The following TYR variants were observed in gnomAD, a reference collection of about 807,000 sequenced individuals.
The protein encoded by TYR is LB24-AB.
Under a neutral mutation model 51.5 loss-of-function variants are expected in TYR, and 58 were observed. The observed-to-expected ratio is 1.13, with a 90% CI of 0.91 to 1.40. The LOEUF is 1.40. TYR is among the 40% of genes most tolerant of loss of function. The pLI is 0.00. For synonymous variants in TYR, 263 were observed against 235.2 expected (o/e 1.12, Z -1.08); for missense variants, 732 against 647.4 (o/e 1.13, Z -1.42).
intron 2 of TYR, among the ~76,000 whole-genome samples, chr11:89,218,911 T>G (rs1943871231): frequency 6.6e-6 from 1 of 151,992 alleles, no homozygotes; most frequent in South Asian, 2.1e-4. Context: ...CAGTTAAGAG[T>G]TGGACTACCT....
intron 2 of TYR, among the ~76,000 whole-genome samples, chr11:89,216,078 C>G (rs1238422823): frequency 1.3e-5 from 2 of 151,970 alleles, no homozygotes; most frequent in African/African-American, 2.4e-5. Context: ...GCAGTAAATT[C>G]AGATTTTGTG....
intron 2 of TYR, among the ~76,000 whole-genome samples, chr11:89,204,054 C>T (rs1430624904): frequency 6.6e-6 from 1 of 152,174 alleles, no homozygotes; most frequent in Non-Finnish European, 1.5e-5. Context: ...TCCTACTTTA[C>T]ATGGAGGCAA....
At chr11:89,221,004 T>C (rs1380563728) in intron 2 of TYR, among the ~76,000 whole-genome samples, 1 of 152,194 alleles carries the variant, frequency 6.6e-6, no homozygotes, top group Non-Finnish European at 1.5e-5. Context: ...CAAAAACCTT[T>C]CTTGAATTTA....
chr11:89,215,150 T>TA (rs1943815323), intron 2 of TYR, among the ~76,000 whole-genome samples: 1 of 152,164 alleles, frequency 6.6e-6, no homozygotes, highest in Non-Finnish European at 1.5e-5. Context: ...AGTTAAGCAC[T>TA]ATGATGTGAT....
intron 2 of TYR, 126 bp downstream of exon 2, chr11:89,191,544 T>C (rs2135253537): frequency 1.1e-6 from 1 of 884,912 alleles, no homozygotes; most frequent in South Asian, 1.5e-5. Context: ...GTGTTGTATA[T>C]ACTTATATCG....
At chr11:89,230,586 G>T (rs537966973) in intron 3 of TYR, among the ~76,000 whole-genome samples, 1 of 151,934 alleles carries the variant, frequency 6.6e-6, no homozygotes, top group African/African-American at 2.4e-5. Flanking sequence ...TAACATGATA[G>T]ACAGACAACT....
chr11:89,262,594 G>C (rs1161581259), intron 3 of TYR, among the ~76,000 whole-genome samples: 4 of 145,090 alleles, frequency 2.8e-5, no homozygotes, highest in African/African-American at 1.0e-4. Context: ...CAAACATTTA[G>C]CTAGACTGGC....
rs797046082 is a variant in TYR at position 89,178,399 on chromosome 11, A to C, written c.446A>C (p.Tyr149Ser). The C allele has an allele frequency of 6.2e-7, 1 of 1,614,076 alleles. No individual in the cohort carries two copies. Among genetic ancestry groups the C allele is most frequent in the Non-Finnish European group, 8.5e-7 (1 of 1,180,056 alleles). Residue 149 changes from tyrosine to serine, a missense_variant, in exon 1 of 5, where the codon TAT becomes TCT. Tyr to Ser is a moderately radical substitution (Grantham distance 144). Coordinates refer to ENST00000263321, the MANE Select transcript of TYR (RefSeq NM_000372.5). The stretch of plus-strand genomic sequence containing the variant: ...GCAAAGCATACCATCAGCTCAGACT[A>C]TGTCATCCCCATAGGGACCTATGGC... ...TLAKHTISSD[Y>S]VIPIGTYGQM...
intron 2 of TYR, among the ~76,000 whole-genome samples, chr11:89,227,516 T>C (rs896863972): frequency 6.6e-6 from 1 of 152,160 alleles, no homozygotes; most frequent in Non-Finnish European, 1.5e-5. Context: ...AATGTTCCTA[T>C]GACTTGTCCA....
At position 89,191,403 on chromosome 11, in the gene TYR, A is replaced by C. The variant is rs775064829; in HGVS notation, c.1021A>C (p.Arg341=). ...SMDKAANFSF[R]NTLEGFASPL... ...GGATAAAGCTGCCAATTTCAGCTTT[A>C]GAAATACACTGGAAGGTAATCTCTT... The change falls in exon 2 of 5, where the codon AGA becomes CGA. Residue 341 remains arginine, a synonymous_variant. Transcript: ENST00000263321. 1 of 1,613,592 alleles carries C rather than the reference A, an allele frequency of 6.2e-7. No individual in the cohort carries two copies. Among genetic ancestry groups the C allele is most frequent in the Non-Finnish European group, 8.5e-7 (1 of 1,179,620 alleles).
chr11:89,201,429 T>C (rs529473227), intron 2 of TYR, among the ~76,000 whole-genome samples: 2 of 152,282 alleles, frequency 1.3e-5, no homozygotes, highest in African/African-American at 4.8e-5. Context: ...TAGACGAACA[T>C]ATTTCAGAAT....
rs757724131 is a variant in TYR, at chr11:89,191,269, C to T, written c.887C>T (p.Pro296Leu). ...QSLCNGTPEGPLRRNPGNHDK... is the reference protein window; with the variant it reads ...QSLCNGTPEGLLRRNPGNHDK... ...TTATGCAATGGAACGCCCGAGGGAC[C>T]TTTACGGCGTAATCCTGGAAACCAT... is the stretch of plus-strand genomic sequence containing the variant. The change falls in exon 2 of 5, where the codon CCT becomes CTT. Residue 296 changes from proline to leucine, a missense_variant. Pro to Leu is a moderately conservative substitution (Grantham distance 98). Coordinates refer to ENST00000263321, the MANE Select transcript of TYR (RefSeq NM_000372.5). The T allele has an allele frequency of 2.5e-6, 4 of 1,613,486 alleles. No individual in the cohort carries two copies. The highest frequency in any genetic ancestry group is 3.3e-5 in the Admixed American group (2 of 59,902).
chr11:89,240,082 T>C (rs1944171718), intron 3 of TYR, among the ~76,000 whole-genome samples: 1 of 152,014 alleles, frequency 6.6e-6, no homozygotes, highest in Non-Finnish European at 1.5e-5. Flanking sequence ...CCTATGTTTC[T>C]CTATTGAGTA....
At chr11:89,292,069 T>C (rs1281445715) in intron 4 of TYR, among the ~76,000 whole-genome samples, 2 of 152,048 alleles carry the variant, frequency 1.3e-5, no homozygotes, top group Admixed American at 6.5e-5. Context: ...CACCCATCAC[T>C]GTTTATACCA....
chr11:89,249,669 A>G (rs866064331), intron 3 of TYR, among the ~76,000 whole-genome samples: 1 of 152,080 alleles, frequency 6.6e-6, no homozygotes, highest in East Asian at 1.9e-4. Flanking sequence ...AAAAGTTTTC[A>G]CAAAATAAGG....
rs188939133 is a variant in TYR at position 89,233,421 on chromosome 11, C to A, written c.1184+5451C>A. ...TCAACTTCTTCCATACTCCTATTAA[C>A]GTTAATATTTTGTTCTCCTTCCATG... On this transcript the variant is annotated intron_variant, in intron 3 of 4. Coordinates refer to ENST00000263321, the MANE Select transcript of TYR (RefSeq NM_000372.5). 1.0e-3 allele frequency among the ~76,000 whole-genome samples: 144 copies of A among 138,930 alleles called. 28 individuals are homozygous for A. Among genetic ancestry groups the A allele is most frequent in the African/African-American group, 4.1e-3 (143 of 34,816 alleles). The allele number at this position is 138,930 out of a possible 152,430, so 91.1% of individuals were successfully genotyped here. A position where few individuals can be genotyped will look rare whatever the true frequency, so the allele number is the denominator to read the frequency against.
intron 2 of TYR, among the ~76,000 whole-genome samples, chr11:89,222,717 C>T (rs2135278050): frequency 6.6e-6 from 1 of 151,978 alleles, no homozygotes; most frequent in South Asian, 2.1e-4. Flanking sequence ...CCAGCCTGGG[C>T]AACAGAGTGA....
At chr11:89,274,515 C>A (rs1944628497) in intron 3 of TYR, among the ~76,000 whole-genome samples, 1 of 151,880 alleles carries the variant, frequency 6.6e-6, no homozygotes, top group Non-Finnish European at 1.5e-5. Context: ...AACCTCACTG[C>A]ATGTTAAGTA....
At chr11:89,250,935 A>T (rs1274010634) in intron 3 of TYR, among the ~76,000 whole-genome samples, 1 of 151,946 alleles carries the variant, frequency 6.6e-6, no homozygotes, top group Non-Finnish European at 1.5e-5. Flanking sequence ...AATCAGACCT[A>T]GCTTTTAAAA....
Sources: gnomAD v4.1 joint callset for allele counts (sites outside exome capture counted in the v4.1 genomes callset) on GRCh38, gnomAD v4.1.1 for gene constraint, MANE v1.5 for transcripts, NCBI Gene and HGNC (gene_info 2026-07-23, HGNC 2026-07-21) for gene names.